DNAI3: variants seen among roughly 807,000 people sequenced by gnomAD.
DNAI3 encodes WD repeat domain 63.
Under a neutral mutation model 115.5 loss-of-function variants are expected in DNAI3, and 83 were observed. The observed-to-expected ratio is 0.72, with a 90% CI of 0.60 to 0.86. DNAI3 has a LOEUF of 0.86. Among genes scored for constraint, DNAI3 ranks in the 40% least tolerant of loss-of-function variants. The pLI is 0.00. For synonymous variants in DNAI3, 320 were observed against 347.0 expected, an observed-to-expected ratio of 0.92 and a Z score of 0.86; for missense variants, 1,004 against 1,075.8, an observed-to-expected ratio of 0.93 and a Z score of 0.93.
chr1:85,118,088 C>T (rs921073466), intron 17 of DNAI3, among the ~76,000 whole-genome samples: 1 of 152,104 alleles, frequency 6.6e-6, no homozygotes, highest in Non-Finnish European at 1.5e-5. Context: ...TACTTTTTAA[C>T]TAATAATATA....
chr1:85,121,805 C>A lies in DNAI3; in HGVS notation c.1972C>A (p.Arg658=). The change falls in exon 18 of 23, where the codon CGA becomes AGA. Residue 658 remains arginine, a synonymous_variant. Transcript: ENST00000294664. Reference sequence around the variant, plus strand: ...AATGGAAAAAGACCCTGAAACTGGCCGACTTATGTGTAAGTTTTGTGATTG... The same window carrying A: ...AATGGAAAAAGACCCTGAAACTGGCAGACTTATGTGTAAGTTTTGTGATTG... ...WKMEKDPETG[R]LMSKKPVSHH... 6.2e-7 allele frequency: 1 copy of A among 1,614,016 alleles called. No individual in the cohort carries two copies. Among genetic ancestry groups the A allele is most frequent in the Non-Finnish European group, 8.5e-7 (1 of 1,179,960 alleles).
At chr1:85,112,852 C>T (rs1655697922) in intron 16 of DNAI3, among the ~76,000 whole-genome samples, 1 of 152,192 alleles carries the variant, frequency 6.6e-6, no homozygotes, top group South Asian at 2.1e-4. Context: ...ACACTGCAAC[C>T]TCTGCCTCTG....
intron 13 of DNAI3, among the ~76,000 whole-genome samples, chr1:85,099,776 A>T (rs545264852): frequency 6.6e-6 from 1 of 152,252 alleles, no homozygotes; most frequent in Non-Finnish European, 1.5e-5. Flanking sequence ...AAACAGAGAT[A>T]TAGATCAATG....
At chr1:85,096,628 G>T (rs1655134667) in intron 11 of DNAI3, among the ~76,000 whole-genome samples, 1 of 151,746 alleles carries the variant, frequency 6.6e-6, no homozygotes, top group Non-Finnish European at 1.5e-5. Flanking sequence ...TTTCTCTAGT[G>T]AAGCAAAACA....
At chr1:85,079,965 T>C (rs1654579976) in intron 3 of DNAI3, among the ~76,000 whole-genome samples, 2 of 151,954 alleles carry the variant, frequency 1.3e-5, no homozygotes, top group Admixed American at 1.3e-4. Flanking sequence ...TAACAGTAAG[T>C]TTGACTGTGA....
chr1:85,097,710 A>ACG, intron 12 of DNAI3, 55 bp downstream of exon 12: 1 of 1,481,888 alleles, frequency 6.7e-7, no homozygotes, highest in East Asian at 2.4e-5. Flanking sequence ...GAGTTTATGG[A>ACG]AAAGTACATA....
At position 85,073,088 on chromosome 1, in the gene DNAI3, C is replaced by T; in HGVS notation, c.99C>T (p.Ser33=). Reference sequence around the variant, plus strand: ...ACATGGAACCAGTAAATATGGAGAGCATGGGTAAGTGGAAATATAATTTAC... The same window carrying T: ...ACATGGAACCAGTAAATATGGAGAGTATGGGTAAGTGGAAATATAATTTAC... ...SEDMEPVNME[S]MGHPEIYPLV... The change falls in exon 3 of 23, where the codon AGC becomes AGT. Residue 33 remains serine, a synonymous_variant. Coordinates refer to ENST00000294664, the MANE Select transcript of DNAI3 (RefSeq NM_145172.5). The T allele has an allele frequency of 6.5e-7, 1 of 1,542,766 alleles. No homozygotes were observed. Among genetic ancestry groups the T allele is most frequent in the Non-Finnish European group, 8.8e-7 (1 of 1,142,594 alleles).
In DNAI3 at chr1:85,124,132, G is replaced by A. The variant is rs1237788250; in HGVS notation, c.1993G>A (p.Val665Met). 8 of 1,614,024 alleles carry A rather than the reference G, an allele frequency of 5.0e-6. No individual in the cohort carries two copies. The Admixed American group carries it at 1.2e-4, about 24-fold the overall frequency. ...ETGRLMSKKP[V>M]SHHTIHDGTV... Reference sequence around the variant, plus strand: ...TTTCACTCCAATAGCAAAGAAGCCAGTGAGCCACCACACCATTCACGACGG... The same window carrying A: ...TTTCACTCCAATAGCAAAGAAGCCAATGAGCCACCACACCATTCACGACGG... The change falls in exon 19 of 23, where the codon GTG (valine) becomes ATG (methionine). Residue 665 changes from valine (V) to methionine (M), a missense_variant. Physicochemically the swap from Val to Met is conservative, Grantham distance 21. Coordinates refer to ENST00000294664, the MANE Select transcript of DNAI3 (RefSeq NM_145172.5).
intron 12 of DNAI3, 105 bp from the exon 13 acceptor site, chr1:85,098,425 G>T: frequency 7.5e-7 from 1 of 1,338,532 alleles, no homozygotes; most frequent in East Asian, 2.4e-5. Flanking sequence ...TCCTTGAACT[G>T]GTATATCTCT....
At chr1:85,130,208 C>G in intron 22 of DNAI3, 96 bp downstream of exon 22, 1 of 1,531,944 alleles carries the variant, frequency 6.5e-7, no homozygotes, top group Non-Finnish European at 8.9e-7. Context: ...AAAAGTTATA[C>G]TTTTTCACAT....
intron 20 of DNAI3, 76 bp from the exon 21 acceptor site, chr1:85,128,632 C>T: frequency 1.6e-6 from 2 of 1,268,530 alleles, no homozygotes; most frequent in Non-Finnish European, 2.2e-6. Context: ...AAAACAAAAA[C>T]ATACTTCATG....
At chr1:85,132,386 A>T (rs1355183710) in intron 22 of DNAI3, among the ~76,000 whole-genome samples, 1 of 152,224 alleles carries the variant, frequency 6.6e-6, no homozygotes, top group Non-Finnish European at 1.5e-5. Flanking sequence ...CTCACTCCTC[A>T]ATGGACAATA....
chr1:85,075,970 T>C (rs1013583729), intron 3 of DNAI3, among the ~76,000 whole-genome samples: 4 of 152,186 alleles, frequency 2.6e-5, no homozygotes, highest in East Asian at 1.9e-4. Flanking sequence ...CATTTAACAG[T>C]TCTGGAAATC....
chr1:85,112,203 C>G (rs1177310501), intron 16 of DNAI3, among the ~76,000 whole-genome samples: 1 of 152,080 alleles, frequency 6.6e-6, no homozygotes. Flanking sequence ...AAGCATGCGC[C>G]ACCACATGCA....
intron 7 of DNAI3, among the ~76,000 whole-genome samples, chr1:85,087,302 G>T (rs1363660168): frequency 6.6e-6 from 1 of 151,812 alleles, no homozygotes. Context: ...CAGGCGTGGT[G>T]ACGTGTGCCT....
At chr1:85,077,254 G>A (rs1432503522) in intron 3 of DNAI3, among the ~76,000 whole-genome samples, 2 of 152,154 alleles carry the variant, frequency 1.3e-5, no homozygotes, top group South Asian at 2.1e-4. Context: ...TTAGATAGCT[G>A]TAAGTAAGAA....
At chr1:85,117,334 T>G (rs770468778) in intron 16 of DNAI3, among the ~76,000 whole-genome samples, 1 of 152,232 alleles carries the variant, frequency 6.6e-6, no homozygotes, top group Non-Finnish European at 1.5e-5. Flanking sequence ...GTTCTTTTAC[T>G]CATGCTTTTC....
intron 18 of DNAI3, among the ~76,000 whole-genome samples, chr1:85,123,669 T>G (rs183898285): frequency 1.6e-3 from 239 of 152,352 alleles, no homozygotes; most frequent in Non-Finnish European, 3.0e-3. Context: ...ATTTTTTCCT[T>G]CACAACACTT....
At position 85,081,949 on chromosome 1, in the gene DNAI3, G is replaced by C. The variant is rs866055626; in HGVS notation, c.286-351G>C. Among the ~76,000 whole-genome samples the C allele has an allele frequency of 3.3e-5, 5 of 152,282 alleles. No individual in the cohort carries two copies. In the South Asian group the frequency reaches 6.2e-4, roughly 19 times the overall value. On this transcript the variant is annotated intron_variant, in intron 4 of 22. Coordinates refer to ENST00000294664, the MANE Select transcript of DNAI3 (RefSeq NM_145172.5). Reference sequence around the variant, plus strand: ...AGCCACCGTGCTCCGCCTTTGCCCAGTTTTAACTAGAATATGAATCTATCC... The same window carrying C: ...AGCCACCGTGCTCCGCCTTTGCCCACTTTTAACTAGAATATGAATCTATCC...
Sources: allele counts gnomAD v4.1 joint callset (sites outside exome capture counted in the v4.1 genomes callset), GRCh38; gene constraint gnomAD v4.1.1; transcripts MANE v1.5; gene names NCBI Gene and HGNC (gene_info 2026-07-23, HGNC 2026-07-21).